DYM: variants seen among roughly 807,000 people sequenced by gnomAD.
The protein encoded by DYM is dymeclin.
DYM carries 78 observed loss-of-function variants against 93.1 expected under a neutral mutation model. That is an observed-to-expected ratio of 0.84 (90% CI 0.70 to 1.01). DYM has a LOEUF of 1.01. Among genes scored for constraint, DYM ranks in the 50% least tolerant of loss-of-function variants. The pLI is 0.00. For synonymous variants in DYM, 321 were observed against 319.7 expected (o/e 1.00, Z -0.04); for missense variants, 789 against 845.0 (o/e 0.93, Z 0.82).
At chr18:49,160,627 CCTT>C (rs948653105) in intron 15 of DYM, among the ~76,000 whole-genome samples, 3 of 149,522 alleles carry the variant, frequency 2.0e-5, no homozygotes, top group African/African-American at 7.4e-5. Context: ...TGCATTAAGA[CCTT>C]CTCATTTTCC....
At chr18:49,378,330 A>C (rs2067705509) in intron 5 of DYM, among the ~76,000 whole-genome samples, 1 of 152,252 alleles carries the variant, frequency 6.6e-6, no homozygotes, top group Non-Finnish European at 1.5e-5. Flanking sequence ...GTCAAAATAA[A>C]TGAAAGCTTC....
intron 1 of DYM, chr18:49,447,408 G>C (rs2082182333): frequency 6.6e-6 from 1 of 152,216 alleles, no homozygotes; most frequent in African/African-American, 2.4e-5. Flanking sequence ...AAACCCTAGG[G>C]TATACACCCC....
At chr18:49,335,762 A>AG (rs201899683) in intron 6 of DYM, among the ~76,000 whole-genome samples, 1,628 of 152,164 alleles carry the variant, frequency 0.011, 28 homozygotes, top group African/African-American at 0.038. Flanking sequence ...GAGCCTATTT[A>AG]GATAGGCAGA....
intron 15 of DYM, among the ~76,000 whole-genome samples, chr18:49,121,349 T>C (rs1179535599): frequency 6.6e-6 from 1 of 151,562 alleles, no homozygotes; most frequent in Non-Finnish European, 1.5e-5. Context: ...AAACTAACCC[T>C]ACAAAGAGAA....
chr18:49,379,283 T>C (rs1397542336), intron 4 of DYM, among the ~76,000 whole-genome samples: 1 of 151,960 alleles, frequency 6.6e-6, no homozygotes, highest in African/African-American at 2.4e-5. Flanking sequence ...TCCATTGATG[T>C]AAAGAATATA....
chr18:49,433,489 C>T (rs532901339), intron 1 of DYM, among the ~76,000 whole-genome samples: 10 of 152,172 alleles, frequency 6.6e-5, no homozygotes, highest in East Asian at 1.9e-4. Context: ...TGGTGGTCTA[C>T]GAGTGCTAAA....
chr18:49,412,866 C>G (rs373583032), intron 2 of DYM: 1 of 152,222 alleles, frequency 6.6e-6, no homozygotes, highest in South Asian at 2.1e-4. Flanking sequence ...ACTGAGGAAA[C>G]AGACTAAGAA....
At chr18:49,134,899 G>A (rs923015194) in intron 15 of DYM, among the ~76,000 whole-genome samples, 2 of 152,140 alleles carry the variant, frequency 1.3e-5, no homozygotes, top group African/African-American at 2.4e-5. Flanking sequence ...CTAAGGTCAG[G>A]AGTTCGAGAC....
chr18:49,078,392 T>TAA (rs2077494197), intron 17 of DYM, among the ~76,000 whole-genome samples: 2 of 150,952 alleles, frequency 1.3e-5, no homozygotes, highest in South Asian at 4.2e-4. Flanking sequence ...AAAATTAAAA[T>TAA]ATATATATAT....
Position 49,061,010 on chromosome 18 carries a change from C to G in DYM, c.2026-16806G>C, listed in dbSNP as rs2075948447. ...AAAAAGTCCATAATAAAAACCTGAT[C>G]ATGTTACTCTGTGCTTAAAAAAATC... On this transcript the variant is annotated intron_variant, in intron 17 of 17. Coordinates refer to ENST00000675505, the MANE Select transcript of DYM (RefSeq NM_001353214.3). Among the ~76,000 whole-genome samples, 5 of 152,084 alleles carry G rather than the reference C, an allele frequency of 3.3e-5. No individual in the cohort carries two copies. In the South Asian group the frequency reaches 1.0e-3, roughly 32 times the overall value.
At chr18:49,451,444 G>A (rs915508587) in intron 1 of DYM, among the ~76,000 whole-genome samples, 10 of 152,096 alleles carry the variant, frequency 6.6e-5, no homozygotes, top group Non-Finnish European at 1.2e-4. Flanking sequence ...CACAGTCCCC[G>A]CACAGGGTTC....
At chr18:49,088,691 G>A (rs2078781700) in intron 17 of DYM, among the ~76,000 whole-genome samples, 1 of 152,114 alleles carries the variant, frequency 6.6e-6, no homozygotes, top group African/African-American at 2.4e-5. Context: ...TTAATTTGGT[G>A]TATTATGTAT....
chr18:49,112,065 C>G (rs2081450262), intron 16 of DYM, among the ~76,000 whole-genome samples: 1 of 151,692 alleles, frequency 6.6e-6, no homozygotes, highest in Admixed American at 6.6e-5. Flanking sequence ...TAATGGGTCT[C>G]TACCTATGCC....
At chr18:49,288,747 T>C (rs2059825301) in intron 8 of DYM, among the ~76,000 whole-genome samples, 1 of 151,388 alleles carries the variant, frequency 6.6e-6, no homozygotes, top group Admixed American at 6.6e-5. Flanking sequence ...GCCACTGCAC[T>C]CCAGCCTGGG....
At chr18:49,362,299 ACCAACCTGG>A (rs772265634) in intron 6 of DYM, among the ~76,000 whole-genome samples, 10 of 152,136 alleles carry the variant, frequency 6.6e-5, no homozygotes, top group African/African-American at 9.7e-5. Flanking sequence ...GGAGTTCGAG[ACCAACCTGG>A]CCAACATAGT....
At chr18:49,054,597 A>C (rs2075310854) in intron 17 of DYM, among the ~76,000 whole-genome samples, 1 of 152,256 alleles carries the variant, frequency 6.6e-6, no homozygotes, top group Non-Finnish European at 1.5e-5. Flanking sequence ...AGAAGTTACA[A>C]GTTAAGAAAC....
At chr18:49,150,025 C>T (rs2085644014) in intron 15 of DYM, among the ~76,000 whole-genome samples, 1 of 152,122 alleles carries the variant, frequency 6.6e-6, no homozygotes, top group African/African-American at 2.4e-5. Flanking sequence ...TGTTTTTATA[C>T]TTGCATTAGT....
chr18:49,396,589 A>G (rs2147978315), intron 2 of DYM, among the ~76,000 whole-genome samples: 1 of 152,326 alleles, frequency 6.6e-6, no homozygotes, highest in Non-Finnish European at 1.5e-5. Flanking sequence ...ATATCCAAAG[A>G]AAACAAAATC....
chr18:49,320,538 A>T (rs1599401035), intron 8 of DYM, among the ~76,000 whole-genome samples: 1 of 152,198 alleles, frequency 6.6e-6, no homozygotes, highest in African/African-American at 2.4e-5. Context: ...GCAATGTCAC[A>T]ATCTTGGCTC....
Sources: allele counts gnomAD v4.1 joint callset (sites outside exome capture counted in the v4.1 genomes callset), GRCh38; gene constraint gnomAD v4.1.1; transcripts MANE v1.5; gene names NCBI Gene and HGNC (gene_info 2026-07-23, HGNC 2026-07-21).